The following TMCO5A variants were observed in gnomAD, a reference collection of about 807,000 sequenced individuals.
TMCO5A encodes the protein transmembrane and coiled-coil domain-containing protein 5A.
Under a neutral mutation model 42.3 loss-of-function variants are expected in TMCO5A, and 34 were observed. The ratio of observed to expected loss-of-function variants is 0.80; its 90% CI spans 0.61 to 1.07. TMCO5A has a LOEUF of 1.07. TMCO5A is among the 50% of genes least tolerant of loss of function. TMCO5A has a pLI of 0.00. For missense variants in TMCO5A, 357 were observed against 327.9 expected, an observed-to-expected ratio of 1.09 and a Z score of -0.69; for synonymous variants, 131 against 115.6, an observed-to-expected ratio of 1.13 and a Z score of -0.86.
chr15:38,028,438 T>C, the TMCO5A span, among the ~76,000 whole-genome samples: 1 of 152,186 alleles, frequency 6.6e-6, no homozygotes. Context: ...TCAAGGCTCA[T>C]TATATGGCAG....
intron 11 of TMCO5A, among the ~76,000 whole-genome samples, chr15:37,960,632 T>G (rs969632580): frequency 6.6e-6 from 1 of 152,146 alleles, no homozygotes; most frequent in African/African-American, 2.4e-5. Flanking sequence ...TTTGTACTAG[T>G]TTACATTCCA....
At chr15:37,946,234 G>A (rs1443008493) in intron 10 of TMCO5A, among the ~76,000 whole-genome samples, 1 of 152,090 alleles carries the variant, frequency 6.6e-6, no homozygotes, top group Non-Finnish European at 1.5e-5. Flanking sequence ...GTCTGTTTTT[G>A]TACTAGTACC....
the TMCO5A span, among the ~76,000 whole-genome samples, chr15:37,991,085 AT>A: frequency 6.6e-6 from 1 of 152,148 alleles, no homozygotes; most frequent in East Asian, 1.9e-4. Context: ...AATTTTAAAA[AT>A]GTTAGTCTCT....
downstream of TMCO5A, among the ~76,000 whole-genome samples, chr15:37,972,700 G>C (rs909450429): frequency 4.6e-5 from 7 of 151,986 alleles, no homozygotes; most frequent in African/African-American, 1.7e-4. Flanking sequence ...TGGATATATA[G>C]CTTGCATATA....
the TMCO5A span, among the ~76,000 whole-genome samples, chr15:37,978,312 G>A: frequency 6.6e-6 from 1 of 152,194 alleles, no homozygotes; most frequent in African/African-American, 2.4e-5. Flanking sequence ...GAGGAACAAG[G>A]GCAAAACTGC....
In TMCO5A at chr15:37,937,366, G is replaced by T; in HGVS notation, c.285G>T (p.Leu95Phe). 6.2e-7 allele frequency: 1 copy of T among 1,613,060 alleles called. No homozygotes were observed. Among genetic ancestry groups the T allele is most frequent in the Non-Finnish European group, 8.5e-7 (1 of 1,179,360 alleles). Residue 95 changes from leucine to phenylalanine, a missense_variant, in exon 5 of 12, where the codon TTG (leucine) becomes TTT (phenylalanine). Transcript: ENST00000319669. ...CACAGGAAAGGAAGAATAAGACGTT[G>T]GTCCACAGTATAACAGAACTTCAAC... Reference protein sequence around the residue: ...TARLERKNKTLVHSITELQQK... With the variant: ...TARLERKNKTFVHSITELQQK...
chr15:38,018,375 G>T, the TMCO5A span, among the ~76,000 whole-genome samples: 2 of 152,122 alleles, frequency 1.3e-5, no homozygotes, highest in African/African-American at 4.8e-5. Context: ...GAGTTAAGTG[G>T]CCATTAATTA....
chr15:37,999,931 T>C, the TMCO5A span, among the ~76,000 whole-genome samples: 1 of 152,182 alleles, frequency 6.6e-6, no homozygotes, highest in Non-Finnish European at 1.5e-5. Context: ...TTTGCTAGTA[T>C]TTTGTTGAGG....
the TMCO5A span, among the ~76,000 whole-genome samples, chr15:38,030,350 A>C: frequency 6.6e-6 from 1 of 152,196 alleles, no homozygotes; most frequent in Non-Finnish European, 1.5e-5. Context: ...AGACTTCTTC[A>C]TCGCCCAACA....
At chr15:37,947,472 C>A (rs1293950870) in intron 10 of TMCO5A, among the ~76,000 whole-genome samples, 184 bp from the exon 11 acceptor site, 1 of 151,746 alleles carries the variant, frequency 6.6e-6, no homozygotes, top group African/African-American at 2.4e-5. Flanking sequence ...AAAGGTAGGA[C>A]AAATAACAAT....
chr15:38,001,123 T>C, the TMCO5A span, among the ~76,000 whole-genome samples: 1 of 152,070 alleles, frequency 6.6e-6, no homozygotes, highest in Admixed American at 6.5e-5. Flanking sequence ...ATTATTGTAT[T>C]GGGGTCTATC....
At chr15:37,969,456 T>C (rs1890632139), downstream of TMCO5A, among the ~76,000 whole-genome samples, 1 of 152,228 alleles carries the variant, frequency 6.6e-6, no homozygotes, top group South Asian at 2.1e-4. Context: ...AACTCTAAGA[T>C]ATTTACTCAA....
rs138405622 is a variant in TMCO5A, at chr15:37,950,976, A to AT, written c.669-54dup. The AT allele has an allele frequency of 5.2e-3, 7,713 of 1,473,202 alleles. 159 individuals are homozygous for AT. In the East Asian group the frequency reaches 0.062, roughly 12 times the overall value. The allele number at this position is 1,473,202 out of a possible 1,614,324, so 91.3% of individuals were successfully genotyped here. A position where few individuals can be genotyped will look rare whatever the true frequency, so the allele number is the denominator to read the frequency against. ...CCAGATATGCATTCAGGTATGATTT[A>AT]TTTTTTGTTCCAAGTTTTCTAAGCT... On this transcript the variant is annotated intron_variant, in intron 11 of 11. Transcript: ENST00000319669.
the TMCO5A span, among the ~76,000 whole-genome samples, chr15:37,979,550 G>C: frequency 1.0e-3 from 152 of 152,320 alleles, 1 homozygote; most frequent in African/African-American, 3.6e-3. Flanking sequence ...ACCTGCCTGA[G>C]CACCCAAGCG....
downstream of TMCO5A, among the ~76,000 whole-genome samples, chr15:37,971,065 G>A (rs979427343): frequency 1.3e-5 from 2 of 152,184 alleles, no homozygotes; most frequent in Admixed American, 6.5e-5. Flanking sequence ...ACTCTGTGTG[G>A]GGGCTCTGAC....
chr15:37,990,331 C>T, the TMCO5A span, among the ~76,000 whole-genome samples: 66 of 151,998 alleles, frequency 4.3e-4, no homozygotes, highest in Admixed American at 7.2e-4. Flanking sequence ...ATATCTTTTT[C>T]CTGTATAGAA....
the TMCO5A span, among the ~76,000 whole-genome samples, chr15:38,035,584 T>A: frequency 0.016 from 2,466 of 152,318 alleles, 54 homozygotes; most frequent in African/African-American, 0.055. Flanking sequence ...GAGTGTATTA[T>A]GGAGGCTCCA....
the TMCO5A span, among the ~76,000 whole-genome samples, chr15:38,000,810 A>G: frequency 6.6e-6 from 1 of 152,062 alleles, no homozygotes; most frequent in African/African-American, 2.4e-5. Context: ...TTGTACAGTT[A>G]CCAACATTCC....
chr15:37,949,715 A>T (rs558836354), intron 11 of TMCO5A, among the ~76,000 whole-genome samples: 43 of 152,250 alleles, frequency 2.8e-4, no homozygotes, highest in South Asian at 8.3e-4. Flanking sequence ...TGCTAAAAAA[A>T]AAAAATAAAA....
Sources: gnomAD v4.1 joint callset for allele counts (sites outside exome capture counted in the v4.1 genomes callset) on GRCh38, gnomAD v4.1.1 for gene constraint, MANE v1.5 for transcripts, NCBI Gene and HGNC (gene_info 2026-07-23, HGNC 2026-07-21) for gene names.